The following NLRP5 variants were observed in gnomAD, a reference collection of about 807,000 sequenced individuals.
NLRP5 encodes the protein NLR family pyrin domain containing 5.
Under a neutral mutation model 113.1 loss-of-function variants are expected in NLRP5, and 93 were observed. The observed-to-expected ratio is 0.82, with a 90% confidence interval of 0.70 to 0.98. The LOEUF (loss-of-function observed/expected upper bound fraction) is 0.98, where lower values mean the gene tolerates loss of function less well. NLRP5 is among the 50% of genes least tolerant of loss of function. The pLI, the probability that NLRP5 is intolerant of heterozygous loss-of-function variation, is 0.00. For synonymous variants in NLRP5, 751 were observed against 600.7 expected (o/e 1.25, Z -3.66); for missense variants, 1,808 against 1,514.3 (o/e 1.19, Z -3.22).
At chr19:55,995,550 T>C (rs937317261), upstream of NLRP5, among the ~76,000 whole-genome samples, 8 of 152,216 alleles carry the variant, frequency 5.3e-5, no homozygotes, top group African/African-American at 1.9e-4. Context: ...TTCTTTTTGC[T>C]CAAAATTGTT....
chr19:56,008,582 A>C (rs1982042723), intron 2 of NLRP5, among the ~76,000 whole-genome samples: 1 of 152,132 alleles, frequency 6.6e-6, no homozygotes, highest in Non-Finnish European at 1.5e-5. Context: ...AATTCTTCAC[A>C]AACCTCTGTT....
Position 56,015,787 on chromosome 19 carries a change from C to G in NLRP5, c.554C>G (p.Thr185Arg). The G allele has an allele frequency of 1.3e-6, 2 of 1,568,966 alleles. No individual in the cohort carries two copies. Among genetic ancestry groups the G allele is most frequent in the Non-Finnish European group, 1.7e-6 (2 of 1,155,756 alleles). ...CAAGATAGTGCCACAGCTGCAGAGA[C>G]AAAAGAACAAGGTGAATGAAATAGA... is the stretch of plus-strand genomic sequence containing the variant. Residue 185 changes from threonine to arginine, a missense_variant, in exon 4 of 15, where the codon ACA becomes AGA. Physicochemically the swap from Thr to Arg is moderately conservative, Grantham distance 71 (BLOSUM62 -1). Coordinates refer to ENST00000390649, the MANE Select transcript of NLRP5 (RefSeq NM_153447.4).
chr19:56,043,428 C>G (rs910454693), intron 11 of NLRP5, among the ~76,000 whole-genome samples: 1 of 151,830 alleles, frequency 6.6e-6, no homozygotes. Context: ...ATGTCCTTAG[C>G]CCACTTTTTG....
chr19:56,020,383 C>G lies in NLRP5; in HGVS notation c.631C>G (p.Gln211Glu), dbSNP rs978934978. 2 of 1,612,392 alleles carry G rather than the reference C, an allele frequency of 1.2e-6. No individual in the cohort carries two copies. The highest frequency in any genetic ancestry group is 2.7e-5 in the African/African-American group (2 of 74,588). Residue 211 changes from glutamine (Q) to glutamate (E), a missense_variant, in exon 6 of 15, where the codon CAA (glutamine) becomes GAA (glutamate). Transcript: ENST00000390649. ...AATTCATTCTTTTGCAGAAATTTCA[C>G]AAGCTATGGAACAAGAAGGTGCCAC...
chr19:56,041,508 G>T (rs968175174), intron 11 of NLRP5, among the ~76,000 whole-genome samples: 2 of 152,114 alleles, frequency 1.3e-5, no homozygotes, highest in African/African-American at 4.8e-5. Context: ...ACACATCGTT[G>T]ATTCGTTAAC....
intron 8 of NLRP5, 124 bp downstream of exon 8, chr19:56,032,905 G>C: frequency 1.0e-6 from 1 of 972,856 alleles, no homozygotes; most frequent in Non-Finnish European, 1.5e-6. Context: ...TGCCACCAAA[G>C]GTGTAGGAAC....
Position 56,033,536 on chromosome 19 carries a change from T to C in NLRP5, c.2448-6T>C, listed in dbSNP as rs759180494. 5 of 1,607,926 alleles carry C rather than the reference T, an allele frequency of 3.1e-6. No homozygotes were observed. In the East Asian group the frequency reaches 8.9e-5, roughly 29 times the overall value. The stretch of plus-strand genomic sequence containing the variant: ...TGTCGAATGTGTCTCCCCTTCCCCA[T>C]TGCAGGTTTAGAAATGCACAGATTA... On this transcript the variant is annotated splice_polypyrimidine_tract_variant and splice_region_variant and intron_variant, in intron 8 of 14. Transcript: ENST00000390649.
intron 2 of NLRP5, among the ~76,000 whole-genome samples, chr19:56,006,886 C>T (rs1981937526): frequency 6.6e-6 from 1 of 151,410 alleles, no homozygotes; most frequent in Admixed American, 6.6e-5. Flanking sequence ...ACTACAGGTG[C>T]CCGCCAGCAC....
At chr19:55,998,656 A>ATGTGTGTG (rs1451449123), upstream of NLRP5, among the ~76,000 whole-genome samples, 1 of 29,594 alleles carries the variant, frequency 3.4e-5, no homozygotes, top group East Asian at 1.6e-3. Flanking sequence ...TCGTCTCAAA[A>ATGTGTGTG]TATGTGTGTG....
At chr19:56,032,872 C>A in intron 8 of NLRP5, 91 bp downstream of exon 8, 1 of 1,285,476 alleles carries the variant, frequency 7.8e-7, no homozygotes, top group Non-Finnish European at 1.1e-6. Context: ...TGAAGCCTTT[C>A]AAGTGCAGCC....
rs1555767539 is a variant in NLRP5 at position 56,028,315 on chromosome 19, T to G, written c.2082T>G (p.Thr694=). 16 of 1,613,962 alleles carry G rather than the reference T, an allele frequency of 9.9e-6. No homozygotes were observed. The highest frequency in any genetic ancestry group is 1.3e-5 in the Non-Finnish European group (15 of 1,179,872). Reference sequence around the variant, plus strand: ...ACGCCTTCCACTGTCTTTTCGAGACTCAAGACAAAGAGTTTGTTCGCTTGG... The same window carrying G: ...ACGCCTTCCACTGTCTTTTCGAGACGCAAGACAAAGAGTTTGTTCGCTTGG... The change falls in exon 7 of 15, where the codon ACT becomes ACG. Residue 694 remains threonine (T), a synonymous_variant. Transcript: ENST00000390649.
intron 1 of NLRP5, among the ~76,000 whole-genome samples, chr19:56,002,202 G>T (rs191256153): frequency 4.7e-4 from 72 of 152,226 alleles, no homozygotes; most frequent in African/African-American, 1.7e-3. Context: ...CATTTGCATA[G>T]CTTCTTTGGA....
chr19:56,007,890 CGCGTGCGCGCGTGCGTGTGTGTGTGT>C (rs1159004881), intron 2 of NLRP5, among the ~76,000 whole-genome samples: 8 of 55,200 alleles, frequency 1.4e-4, no homozygotes, highest in Middle Eastern at 7.5e-3. Flanking sequence ...TGTGTGTGTG[CGCGTGCGCGCGTGCGTGTGTGTGTGT>C]GTGTGTGTGT....
intron 2 of NLRP5, among the ~76,000 whole-genome samples, chr19:56,008,084 A>G (rs372165814): frequency 1.5e-5 from 2 of 134,084 alleles, no homozygotes; most frequent in African/African-American, 2.7e-5. Context: ...GCCCGCCACC[A>G]CGCCCGGCTA....
At chr19:55,997,325 T>C (rs1403727808), upstream of NLRP5, among the ~76,000 whole-genome samples, 1 of 152,184 alleles carries the variant, frequency 6.6e-6, no homozygotes, top group African/African-American at 2.4e-5. Context: ...TGGGGAATGA[T>C]CTTTTTGATG....
Position 56,058,419 on chromosome 19 carries a change from C to A in NLRP5, c.3470+9C>A. 6.2e-7 allele frequency: 1 copy of A among 1,604,442 alleles called. No individual in the cohort carries two copies. Among genetic ancestry groups the A allele is most frequent in the Non-Finnish European group, 8.5e-7 (1 of 1,174,750 alleles). On this transcript the variant is annotated intron_variant, in intron 14 of 14. Coordinates refer to ENST00000390649, the MANE Select transcript of NLRP5 (RefSeq NM_153447.4). The stretch of plus-strand genomic sequence containing the variant: ...AACTTACAGATAATTGGGTAAGTCG[C>A]CAGCAATTGTCTTCTGAGATACAGA...
At chr19:56,057,257 G>A (rs141628063) in intron 13 of NLRP5, among the ~76,000 whole-genome samples, 4 of 152,180 alleles carry the variant, frequency 2.6e-5, no homozygotes, top group African/African-American at 9.7e-5. Context: ...TTTCAGAGCA[G>A]CTTACGGATT....
At chr19:56,010,848 T>C (rs921864498) in intron 3 of NLRP5, among the ~76,000 whole-genome samples, 4 of 151,494 alleles carry the variant, frequency 2.6e-5, no homozygotes, top group African/African-American at 9.7e-5. Flanking sequence ...AGTATATTAT[T>C]TGGCATAAAA....
chr19:56,039,100 C>A (rs539996923), intron 10 of NLRP5, among the ~76,000 whole-genome samples: 6 of 152,012 alleles, frequency 3.9e-5, no homozygotes, highest in Admixed American at 2.6e-4. Context: ...AACCCTTCCT[C>A]GCTGAGTTCT....
Sources: allele counts gnomAD v4.1 joint callset (sites outside exome capture counted in the v4.1 genomes callset), GRCh38; gene constraint gnomAD v4.1.1; transcripts MANE v1.5; gene names NCBI Gene and HGNC (gene_info 2026-07-23, HGNC 2026-07-21).